The following PSMG2 variants were observed in gnomAD, a reference collection of about 807,000 sequenced individuals.
PSMG2 encodes CD40 ligand-activated specific transcript 3.
In PSMG2, 21 loss-of-function variants were observed where a neutral mutation model predicts 31.5. The observed-to-expected ratio is 0.67, with a 90% CI of 0.47 to 0.96. PSMG2 has a LOEUF of 0.96. Among genes scored for constraint, PSMG2 ranks in the 40% least tolerant of loss-of-function variants. The pLI is 0.00. For synonymous variants in PSMG2, 120 were observed against 110.4 expected, an observed-to-expected ratio of 1.09 and a Z score of -0.54; for missense variants, 318 against 321.2, an observed-to-expected ratio of 0.99 and a Z score of 0.08.
rs138078044 is a variant in PSMG2, at chr18:12,725,108, A to G, written c.703-331A>G. Among the ~76,000 whole-genome samples, 173 of 152,324 alleles carry G rather than the reference A, an allele frequency of 1.1e-3. 1 individual carries two copies. The highest frequency in any genetic ancestry group is 6.9e-3 in the East Asian group (36 of 5,184). ...CATAAGGCTGCTTTCTAAGATGGGT[A>G]ACTAGCTTTTTAATTCATGCTTTTG... On this transcript the variant is annotated intron_variant, in intron 6 of 6. Transcript: ENST00000317615.
chr18:12,667,450 G>A (rs1012647631), intron 1 of PSMG2, among the ~76,000 whole-genome samples: 1 of 151,978 alleles, frequency 6.6e-6, no homozygotes, highest in Admixed American at 6.6e-5. Context: ...GAGTGAGACA[G>A]TCTCTTGAAA....
intron 1 of PSMG2, among the ~76,000 whole-genome samples, chr18:12,694,034 T>C (rs569373631): frequency 3.2e-4 from 49 of 152,132 alleles, no homozygotes; most frequent in Non-Finnish European, 5.9e-4. Context: ...GGTCTCACTA[T>C]GTTGCCCAAG....
At chr18:12,667,107 A>G (rs907173688) in intron 1 of PSMG2, among the ~76,000 whole-genome samples, 2 of 152,228 alleles carry the variant, frequency 1.3e-5, no homozygotes, top group Non-Finnish European at 2.9e-5. Flanking sequence ...GTGATTAAAA[A>G]AAGAAAATAT....
chr18:12,663,237 A>G (rs926545057), intron 1 of PSMG2, among the ~76,000 whole-genome samples: 3 of 152,202 alleles, frequency 2.0e-5, no homozygotes, highest in African/African-American at 7.2e-5. Context: ...GCAGTAGCTT[A>G]CTCCTTAATT....
chr18:12,659,782 G>A (rs1456464303), intron 1 of PSMG2, among the ~76,000 whole-genome samples: 2 of 152,138 alleles, frequency 1.3e-5, no homozygotes, highest in African/African-American at 4.8e-5. Flanking sequence ...CTTAATTATA[G>A]GTTCATAATC....
intron 1 of PSMG2, among the ~76,000 whole-genome samples, chr18:12,682,496 T>G (rs942222370): frequency 6.6e-6 from 1 of 151,552 alleles, no homozygotes; most frequent in Non-Finnish European, 1.5e-5. Flanking sequence ...GCCAAGAAAT[T>G]TCTTTCTCCA....
At chr18:12,690,798 T>C (rs1333512331) in intron 1 of PSMG2, among the ~76,000 whole-genome samples, 1 of 152,066 alleles carries the variant, frequency 6.6e-6, no homozygotes, top group Non-Finnish European at 1.5e-5. Context: ...AGAGAGAAAA[T>C]GGGTTTAGGA....
intron 6 of PSMG2, among the ~76,000 whole-genome samples, chr18:12,725,151 C>A (rs1031562231): frequency 4.6e-5 from 7 of 152,110 alleles, no homozygotes; most frequent in African/African-American, 1.4e-4. Flanking sequence ...CAAATTGATA[C>A]AAATCACATA....
chr18:12,673,587 T>C, intron 1 of PSMG2: 4 of 1,222,440 alleles, frequency 3.3e-6, no homozygotes, highest in Non-Finnish European at 4.5e-6. Flanking sequence ...GTATTTAAAA[T>C]AATTTTTTCA....
chr18:12,700,919 CATAT>C (rs45438495), upstream of PSMG2: 453,143 of 1,515,824 alleles, frequency 0.3, 69,775 homozygotes, highest in Non-Finnish European at 0.33. Context: ...TTAGTATATA[CATAT>C]ATACTCTCAT....
Position 12,696,299 on chromosome 18 carries a change from T to G in PSMG2, c.-36-10251T>G, listed in dbSNP as rs578074660. On this transcript the variant is annotated intron_variant, in intron 1 of 6. Coordinates refer to the PSMG2 transcript ENST00000585331. The stretch of plus-strand genomic sequence containing the variant: ...GCGGGCAGATCACGAGGTCAAGAGA[T>G]CGAGACCATCCCGGCCAACATGGTG... 9.2e-5 allele frequency among the ~76,000 whole-genome samples: 14 copies of G among 152,178 alleles called. No individual in the cohort carries two copies. The South Asian group carries it at 2.5e-3, about 27-fold the overall frequency.
intron 1 of PSMG2, among the ~76,000 whole-genome samples, chr18:12,693,839 C>A (rs2039855266): frequency 6.6e-6 from 1 of 151,970 alleles, no homozygotes. Context: ...TGTGTATACA[C>A]CATTTATTTA....
At chr18:12,698,998 T>C (rs768445046), upstream of PSMG2, 6 of 1,612,636 alleles carry the variant, frequency 3.7e-6, no homozygotes, top group Admixed American at 1.0e-4. Flanking sequence ...CTCTGTGTAC[T>C]TCAAGTAAAA....
chr18:12,671,446 TAAA>T (rs1358704902), intron 1 of PSMG2, among the ~76,000 whole-genome samples: 1 of 151,652 alleles, frequency 6.6e-6, no homozygotes, highest in South Asian at 2.1e-4. Context: ...TTTGAAAAAA[TAAA>T]AAACTTAAAA....
intron 1 of PSMG2, among the ~76,000 whole-genome samples, chr18:12,661,658 C>G (rs1025923766): frequency 5.3e-5 from 8 of 151,922 alleles, no homozygotes; most frequent in Non-Finnish European, 1.2e-4. Flanking sequence ...GCCTGTAATC[C>G]CAGCTACTCG....
intron 1 of PSMG2, among the ~76,000 whole-genome samples, chr18:12,668,782 A>G (rs2038864381): frequency 1.8e-5 from 2 of 111,814 alleles, no homozygotes; most frequent in South Asian, 5.9e-4. Flanking sequence ...TCTGTCACCC[A>G]GGCTGGAGTG....
chr18:12,724,351 G>T (rs1050371611), intron 5 of PSMG2, 148 bp from the exon 6 acceptor site: 2 of 767,188 alleles, frequency 2.6e-6, no homozygotes, highest in African/African-American at 1.8e-5. Flanking sequence ...CTCTGTGTGG[G>T]GCGAAGGGAG....
In PSMG2 at chr18:12,690,030, C is replaced by T. The variant is rs186446117; in HGVS notation, c.-36-16520C>T. ...TCTCAAACCCCTGACCTCAGAGGAT[C>T]CACCTGCCTCGGCCTCCCCAAGTGC... is the stretch of plus-strand genomic sequence containing the variant. On this transcript the variant is annotated intron_variant, in intron 1 of 6. Coordinates refer to the PSMG2 transcript ENST00000585331. 4.1e-3 allele frequency among the ~76,000 whole-genome samples: 618 copies of T among 152,330 alleles called. 3 individuals carry two copies. The highest frequency in any genetic ancestry group is 7.3e-3 in the Non-Finnish European group (499 of 68,030).
At chr18:12,671,638 C>CT (rs955356870) in intron 1 of PSMG2, among the ~76,000 whole-genome samples, 101 of 82,870 alleles carry the variant, frequency 1.2e-3, no homozygotes, top group Non-Finnish European at 1.5e-3. Context: ...AGGTTTCACA[C>CT]TTTCTTTTTT....
Sources: gnomAD v4.1 joint callset for allele counts (sites outside exome capture counted in the v4.1 genomes callset) on GRCh38, gnomAD v4.1.1 for gene constraint, MANE v1.5 for transcripts, NCBI Gene and HGNC (gene_info 2026-07-23, HGNC 2026-07-21) for gene names.